GABRA3: variants seen among roughly 807,000 people sequenced by gnomAD.
GABRA3 encodes gamma-aminobutyric acid receptor subunit alpha-3.
In GABRA3, 10 loss-of-function variants were observed where a neutral mutation model predicts 30.1. The ratio of observed to expected loss-of-function variants is 0.33; its 90% CI spans 0.20 to 0.56. GABRA3 has a LOEUF of 0.56. Ranked by LOEUF, GABRA3 falls within the 20% of genes least tolerant of loss-of-function variation. The pLI is 0.89. For synonymous variants in GABRA3, 151 were observed against 146.8 expected, an observed-to-expected ratio of 1.03 and a Z score of -0.21; for missense variants, 233 against 392.0, an observed-to-expected ratio of 0.59 and a Z score of 3.42.
At chrX:152,242,955 G>A (rs904641062) in intron 5 of GABRA3, among the ~76,000 whole-genome samples, 4 of 112,007 alleles carry the variant, frequency 3.6e-5, no homozygotes, top group South Asian at 7.4e-4. Context: ...GCCAAGATAC[G>A]GAATCAATTT....
intron 1 of GABRA3, chrX:152,393,360 T>C (rs989839571): frequency 9.4e-6 from 3 of 318,711 alleles, no homozygotes; most frequent in Middle Eastern, 4.6e-4. Flanking sequence ...TAGAGAGTCA[T>C]AGAATATGAG....
In GABRA3 at chrX:152,386,308, C is replaced by T. The variant is rs769616423; in HGVS notation, c.-26-21712G>A. 8.9e-4 allele frequency among the ~76,000 whole-genome samples: 98 copies of T among 110,283 alleles called. No individual in the cohort carries two copies. In the South Asian group the frequency reaches 0.034, roughly 39 times the overall value. The stretch of plus-strand genomic sequence containing the variant: ...TAGTTCTCCTTGAAGAGGTCCTTCA[C>T]GTCCCTTGTAAGTTGGATTCCTAGG... On this transcript the variant is annotated intron_variant, in intron 1 of 9. Transcript: ENST00000370314.
At chrX:152,379,886 G>A (rs1028977756) in intron 1 of GABRA3, among the ~76,000 whole-genome samples, 3 of 109,977 alleles carry the variant, frequency 2.7e-5, no homozygotes, top group African/African-American at 9.9e-5. Flanking sequence ...CACCCAGGCT[G>A]GAGTGCAGTG....
chrX:152,173,974 T>C (rs1323949464), intron 9 of GABRA3, among the ~76,000 whole-genome samples: 17 of 109,612 alleles, frequency 1.6e-4, no homozygotes, highest in African/African-American at 5.3e-4. Flanking sequence ...TGGTGTGTGA[T>C]GTTCCCCTTC....
rs192055325 is a variant in GABRA3 at position 152,428,063 on chromosome X, G to A, written c.-27+23083C>T. Reference sequence around the variant, plus strand: ...GTATTCTTGTACTTGCCCCTGCAATGTACTTGGCAAAGCAATGACGCCACT... The same window carrying A: ...GTATTCTTGTACTTGCCCCTGCAATATACTTGGCAAAGCAATGACGCCACT... On this transcript the variant is annotated intron_variant, in intron 1 of 9. Coordinates refer to ENST00000370314, the MANE Select transcript of GABRA3 (RefSeq NM_000808.4). Among the ~76,000 whole-genome samples, 9 of 112,577 alleles carry A rather than the reference G, an allele frequency of 8.0e-5. No homozygotes were observed. In the East Asian group the frequency reaches 2.5e-3, roughly 32 times the overall value.
intron 4 of GABRA3, among the ~76,000 whole-genome samples, chrX:152,276,706 A>G (rs1448966615): frequency 8.9e-6 from 1 of 112,000 alleles, no homozygotes; most frequent in African/African-American, 3.2e-5. Flanking sequence ...AATTAGAGTA[A>G]AATACACAAA....
At chrX:152,388,177 T>C (rs1420081507) in intron 1 of GABRA3, among the ~76,000 whole-genome samples, 1 of 111,822 alleles carries the variant, frequency 8.9e-6, no homozygotes, top group Non-Finnish European at 1.9e-5. Flanking sequence ...AAAGTCAGGA[T>C]ATATAACCCA....
intron 6 of GABRA3, among the ~76,000 whole-genome samples, chrX:152,223,656 A>G (rs1245470118): frequency 9.2e-6 from 1 of 108,802 alleles, no homozygotes; most frequent in Non-Finnish European, 1.9e-5. Context: ...TTCCATATAT[A>G]TATATATATG....
At chrX:152,268,303 G>A (rs952585096) in intron 4 of GABRA3, among the ~76,000 whole-genome samples, 20 of 111,801 alleles carry the variant, frequency 1.8e-4, no homozygotes, top group African/African-American at 6.2e-4. Context: ...CCCGGTAGAA[G>A]GTAATTGAAT....
At chrX:152,344,810 A>G (rs181839213) in intron 3 of GABRA3, among the ~76,000 whole-genome samples, 156 of 111,769 alleles carry the variant, frequency 1.4e-3, no homozygotes, top group African/African-American at 5.0e-3. Context: ...AAACAGACAC[A>G]ACAATAAATG....
At chrX:152,393,562 T>G (rs745631030) in intron 1 of GABRA3, 2 of 319,094 alleles carry the variant, frequency 6.3e-6, no homozygotes, top group African/African-American at 2.8e-5. Flanking sequence ...AATAACACAA[T>G]GAGGAATATG....
chrX:152,308,154 T>C (rs1939747807), intron 3 of GABRA3, among the ~76,000 whole-genome samples: 1 of 112,624 alleles, frequency 8.9e-6, no homozygotes, highest in Admixed American at 9.3e-5. Context: ...CAGCATCAGA[T>C]GCCAAACCAG....
chrX:152,292,194 G>C (rs893865441), intron 3 of GABRA3, among the ~76,000 whole-genome samples: 15 of 111,430 alleles, frequency 1.3e-4, no homozygotes, highest in Non-Finnish European at 3.8e-5. Context: ...CAATTTCAGA[G>C]CCTGTTATTG....
intron 1 of GABRA3, among the ~76,000 whole-genome samples, chrX:152,434,080 C>T (rs762618322): frequency 5.4e-5 from 6 of 111,416 alleles, no homozygotes; most frequent in Admixed American, 9.6e-5. Context: ...ATGGTCAATA[C>T]TGAGTGTCAA....
chrX:152,424,014 G>A (rs949793519), intron 1 of GABRA3, among the ~76,000 whole-genome samples: 2 of 111,169 alleles, frequency 1.8e-5, no homozygotes, highest in African/African-American at 6.5e-5. Flanking sequence ...GCTATTTTAG[G>A]GTTGTGGGAA....
At chrX:152,334,856 A>T (rs1194829869) in intron 3 of GABRA3, among the ~76,000 whole-genome samples, 1 of 111,266 alleles carries the variant, frequency 9.0e-6, no homozygotes, top group Non-Finnish European at 1.9e-5. Context: ...AACCATTCCC[A>T]CCCACCTGCC....
At chrX:152,419,198 G>T (rs747331244) in intron 1 of GABRA3, among the ~76,000 whole-genome samples, 1 of 110,907 alleles carries the variant, frequency 9.0e-6, no homozygotes, top group Admixed American at 9.6e-5. Flanking sequence ...GTTAAATGAC[G>T]AGTTACTGGG....
At chrX:152,353,304 G>C (rs1421875045) in intron 2 of GABRA3, among the ~76,000 whole-genome samples, 1 of 111,923 alleles carries the variant, frequency 8.9e-6, no homozygotes, top group Non-Finnish European at 1.9e-5. Flanking sequence ...TATATGTTGT[G>C]AATGATAAAA....
intron 1 of GABRA3, among the ~76,000 whole-genome samples, chrX:152,396,619 C>A (rs1929669148): frequency 8.9e-6 from 1 of 111,931 alleles, no homozygotes; most frequent in South Asian, 3.7e-4. Context: ...TAGAATCATC[C>A]AAATACCTTG....
Sources: allele counts gnomAD v4.1 joint callset (sites outside exome capture counted in the v4.1 genomes callset), GRCh38; gene constraint gnomAD v4.1.1; transcripts MANE v1.5; gene names NCBI Gene and HGNC (gene_info 2026-07-23, HGNC 2026-07-21).